TPRG1: variants seen among roughly 807,000 people sequenced by gnomAD.
The protein encoded by TPRG1 is tumor protein p63-regulated gene 1 protein.
TPRG1 carries 29 observed loss-of-function variants against 29.3 expected under a neutral mutation model. The observed-to-expected ratio is 0.99, with a 90% CI of 0.74 to 1.35. The LOEUF is 1.35. Ranked by LOEUF, TPRG1 falls within the 40% of genes most tolerant of loss-of-function variation. The probability of loss-of-function intolerance (pLI) is 0.00; values close to 1 mark genes in which losing one functional copy is unlikely to be tolerated. For missense variants in TPRG1, 327 were observed against 335.0 expected (o/e 0.98, Z 0.19); for synonymous variants, 130 against 116.8 (o/e 1.11, Z -0.73).
chr3:189,231,343 A>G (rs1378991599), intron 3 of TPRG1, among the ~76,000 whole-genome samples: 3 of 151,396 alleles, frequency 2.0e-5, no homozygotes, highest in African/African-American at 7.3e-5. Flanking sequence ...TAGGAAATTA[A>G]AATGAAAATA....
chr3:189,092,016 G>C (rs1718367621), intron 4 of TPRG1, among the ~76,000 whole-genome samples: 2 of 152,160 alleles, frequency 1.3e-5, no homozygotes, highest in Non-Finnish European at 2.9e-5. Context: ...AAGAAATATT[G>C]TCCTCCTTTA....
chr3:189,027,547 C>T (rs929061456), intron 4 of TPRG1, among the ~76,000 whole-genome samples: 2 of 152,106 alleles, frequency 1.3e-5, no homozygotes, highest in African/African-American at 4.8e-5. Flanking sequence ...CCCACAGGGG[C>T]AATATTATTG....
chr3:189,278,096 C>T (rs1450753409), intron 4 of TPRG1, among the ~76,000 whole-genome samples: 1 of 152,184 alleles, frequency 6.6e-6, no homozygotes, highest in East Asian at 1.9e-4. Flanking sequence ...CACTCCTATG[C>T]AGGATGTTAA....
chr3:189,236,525 C>T (rs1279563286), intron 3 of TPRG1, among the ~76,000 whole-genome samples: 3 of 152,162 alleles, frequency 2.0e-5, no homozygotes, highest in Non-Finnish European at 4.4e-5. Flanking sequence ...GAGGAGGTGA[C>T]TATCACTGTT....
Position 189,017,025 on chromosome 3 carries a change from T to C in TPRG1, c.-659-6725T>C, listed in dbSNP as rs369372592. On this transcript the variant is annotated intron_variant, in intron 3 of 10. Coordinates refer to the TPRG1 transcript ENST00000433971. ...AGTGCTCCTGGATGATATCCTGAAATATGTTTTCTAAATTGGTTCCATTCT... is the reference window on the plus strand; with the variant it reads ...AGTGCTCCTGGATGATATCCTGAAACATGTTTTCTAAATTGGTTCCATTCT... 1.8e-4 allele frequency among the ~76,000 whole-genome samples: 27 copies of C among 152,256 alleles called. No homozygotes were observed. In the East Asian group the frequency reaches 5.0e-3, roughly 28 times the overall value.
intron 3 of TPRG1, among the ~76,000 whole-genome samples, chr3:189,137,263 G>A (rs1723860884): frequency 6.7e-6 from 1 of 149,744 alleles, no homozygotes; most frequent in South Asian, 2.1e-4. Context: ...CATTAAGAAA[G>A]CAACAAAATA....
intron 5 of TPRG1, chr3:189,315,684 T>C: frequency 9.3e-6 from 3 of 320,978 alleles, no homozygotes. Context: ...AATTTAACTT[T>C]ATACTCTTAG....
At chr3:189,187,985 G>C (rs1160153902) in intron 1 of TPRG1, among the ~76,000 whole-genome samples, 1 of 152,186 alleles carries the variant, frequency 6.6e-6, no homozygotes, top group Non-Finnish European at 1.5e-5. Context: ...GGCTCCAACG[G>C]AGGAAGTTAT....
chr3:189,005,810 G>A (rs1174375904), intron 3 of TPRG1, among the ~76,000 whole-genome samples: 2 of 151,906 alleles, frequency 1.3e-5, no homozygotes, highest in African/African-American at 2.4e-5. Context: ...TCTCAACACA[G>A]GTCCATATGA....
intron 4 of TPRG1, among the ~76,000 whole-genome samples, chr3:189,031,053 T>C (rs982814833): frequency 6.6e-6 from 1 of 152,140 alleles, no homozygotes; most frequent in African/African-American, 2.4e-5. Flanking sequence ...GTGGATTGCT[T>C]GAGGTCAGGA....
intron 4 of TPRG1, among the ~76,000 whole-genome samples, chr3:189,309,425 C>A (rs954728864): frequency 6.6e-6 from 1 of 152,106 alleles, no homozygotes; most frequent in African/African-American, 2.4e-5. Flanking sequence ...AATTTTTAGA[C>A]AAAATGAGAC....
chr3:189,228,014 G>A (rs986257896), intron 3 of TPRG1, among the ~76,000 whole-genome samples: 2 of 152,032 alleles, frequency 1.3e-5, no homozygotes, highest in Non-Finnish European at 2.9e-5. Flanking sequence ...CCAGCTACTC[G>A]GGAGGCTGAG....
chr3:189,190,336 A>G (rs1015618205), intron 1 of TPRG1, among the ~76,000 whole-genome samples: 3 of 152,316 alleles, frequency 2.0e-5, no homozygotes, highest in Admixed American at 6.5e-5. Flanking sequence ...GGCAGCATCA[A>G]ATTCTGGCCC....
intron 3 of TPRG1, among the ~76,000 whole-genome samples, chr3:189,006,029 A>G (rs1490782762): frequency 6.6e-6 from 1 of 152,126 alleles, no homozygotes; most frequent in Non-Finnish European, 1.5e-5. Context: ...CAGGAACACT[A>G]ATTATATAAT....
intron 1 of TPRG1, among the ~76,000 whole-genome samples, chr3:189,120,809 T>A (rs181531125): frequency 1.6e-3 from 240 of 152,362 alleles, no homozygotes; most frequent in Non-Finnish European, 2.7e-3. Context: ...TATAGGTCAA[T>A]AAATTTTGGT....
At chr3:189,290,414 C>T (rs906665127) in intron 4 of TPRG1, among the ~76,000 whole-genome samples, 5 of 152,116 alleles carry the variant, frequency 3.3e-5, no homozygotes, top group Admixed American at 3.3e-4. Flanking sequence ...AGCGATGAAT[C>T]GATAGAGTGT....
At chr3:189,284,493 T>C (rs997467565) in intron 4 of TPRG1, among the ~76,000 whole-genome samples, 2 of 152,030 alleles carry the variant, frequency 1.3e-5, no homozygotes, top group Non-Finnish European at 2.9e-5. Flanking sequence ...CTGAGAATGA[T>C]GGTTTCCAGC....
chr3:189,014,602 G>T (rs957582683), intron 3 of TPRG1, among the ~76,000 whole-genome samples: 1 of 152,168 alleles, frequency 6.6e-6, no homozygotes, highest in Admixed American at 6.6e-5. Context: ...CTGGTGCAAG[G>T]TGACTGAATC....
At position 189,321,640 on chromosome 3, in the gene TPRG1, C is replaced by G. The variant is rs1057293536; in HGVS notation, c.*820C>G. 3 of 152,124 alleles carry G rather than the reference C, an allele frequency of 2.0e-5. No individual in the cohort carries two copies. The highest frequency in any genetic ancestry group is 7.2e-5 in the African/African-American group (3 of 41,422). The allele number at this position is 152,124 out of a possible 1,614,324, so 9.4% of individuals were successfully genotyped here. A position where few individuals can be genotyped will look rare whatever the true frequency, so the allele number is the denominator to read the frequency against. On this transcript the variant is annotated 3_prime_UTR_variant, in exon 6 of 6. Transcript: ENST00000345063. Reference sequence around the variant, plus strand: ...ATTACCACAGCCTGTTAAATGGAATCCCTACTCCAAGGCTGACTGTTTCAA... The same window carrying G: ...ATTACCACAGCCTGTTAAATGGAATGCCTACTCCAAGGCTGACTGTTTCAA...
Sources: gnomAD v4.1 joint callset for allele counts (sites outside exome capture counted in the v4.1 genomes callset) on GRCh38, gnomAD v4.1.1 for gene constraint, MANE v1.5 for transcripts, NCBI Gene and HGNC (gene_info 2026-07-23, HGNC 2026-07-21) for gene names.